Variants in ANKS1A observed in about 807,000 individuals in gnomAD.
ANKS1A encodes the protein ankyrin repeat and SAM domain-containing protein 1A.
Under a neutral mutation model 120.3 loss-of-function variants are expected in ANKS1A, and 55 were observed. The observed-to-expected ratio is 0.46, with a 90% CI of 0.37 to 0.57. The LOEUF (loss-of-function observed/expected upper bound fraction) is 0.57. ANKS1A is among the 20% of genes least tolerant of loss of function. The pLI, the probability that ANKS1A is intolerant of heterozygous loss-of-function variation, is 0.00. For synonymous variants in ANKS1A, 590 were observed against 604.7 expected, an observed-to-expected ratio of 0.98 and a Z score of 0.36; for missense variants, 1,123 against 1,480.3, an observed-to-expected ratio of 0.76 and a Z score of 3.96.
chr6:35,050,430 C>A lies in ANKS1A; in HGVS notation c.2011-3669C>A, dbSNP rs954582102. Among the ~76,000 whole-genome samples the A allele has an allele frequency of 6.6e-6, 1 of 152,200 alleles. No homozygotes were observed. Among genetic ancestry groups the A allele is most frequent in the Non-Finnish European group, 1.5e-5 (1 of 68,032 alleles). ...AAAACCACAGAAAAAGAGGAGAACA[C>A]TAAATGGTGCCCGTCCATTACACTT... On this transcript the variant is annotated intron_variant, in intron 11 of 23. Transcript: ENST00000360359. This position sits in a 1 kb window ranked among gnomAD's most constrained non-coding sequence, Gnocchi z 4.3.
intron 1 of ANKS1A, among the ~76,000 whole-genome samples, chr6:34,911,953 G>C (rs992210473): frequency 6.6e-6 from 1 of 152,106 alleles, no homozygotes; most frequent in Non-Finnish European, 1.5e-5. Context: ...CGCCATTCTA[G>C]TTTTCAGGTT....
At position 35,084,798 on chromosome 6, in the gene ANKS1A, T is replaced by C. The variant is rs532821081; in HGVS notation, c.3132+540T>C. Among the ~76,000 whole-genome samples, 60 of 152,282 alleles carry C rather than the reference T, an allele frequency of 3.9e-4. 1 individual carries two copies. Among genetic ancestry groups the C allele is most frequent in the Non-Finnish European group, 7.4e-4 (50 of 68,012 alleles). ...AGATTTTCTTCCCTCAAATTCCTGC[T>C]GAGGCTCGGCTCTGGATGCCACTGG... On this transcript the variant is annotated intron_variant, in intron 21 of 23. Transcript: ENST00000360359. The surrounding 1 kb of genome is among the most constrained non-coding windows in gnomAD (Gnocchi z 4.8).
chr6:35,064,805 C>T (rs1277978890), intron 13 of ANKS1A, among the ~76,000 whole-genome samples: 1 of 152,210 alleles, frequency 6.6e-6, no homozygotes, highest in Non-Finnish European at 1.5e-5. Context: ...ACCTCCACCC[C>T]CGTCCCATCT....
At chr6:34,991,583 T>C (rs920613357) in intron 9 of ANKS1A, among the ~76,000 whole-genome samples, 6 of 141,164 alleles carry the variant, frequency 4.3e-5, no homozygotes, top group East Asian at 2.2e-4. Flanking sequence ...CACACACATA[T>C]ACACATATAT....
chr6:34,972,069 A>T (rs1771212161), intron 3 of ANKS1A, among the ~76,000 whole-genome samples: 2 of 152,240 alleles, frequency 1.3e-5, no homozygotes, highest in African/African-American at 4.8e-5. Context: ...TGTTGGAAAG[A>T]CTGGTCATCC....
At position 35,084,346 on chromosome 6, in the gene ANKS1A, G is replaced by T; in HGVS notation, c.3132+88G>T. On this transcript the variant is annotated intron_variant, in intron 21 of 23. Transcript: ENST00000360359. The surrounding 1 kb of genome is among the most constrained non-coding windows in gnomAD (Gnocchi z 4.8). ...CATTGCAGGGCACAGATGCGGCGCTGTCCTGGCCCCTGGCCAGTGCCTGGC... is the reference window on the plus strand; with the variant it reads ...CATTGCAGGGCACAGATGCGGCGCTTTCCTGGCCCCTGGCCAGTGCCTGGC... The T allele has an allele frequency of 6.5e-7, 1 of 1,530,850 alleles. No individual in the cohort carries two copies. The highest frequency in any genetic ancestry group is 8.8e-7 in the Non-Finnish European group (1 of 1,140,550). 94.8% of individuals were successfully genotyped at this position (1,530,850 alleles called of 1,614,324 possible).
chr6:35,019,621 G>A (rs546042972), intron 11 of ANKS1A, among the ~76,000 whole-genome samples: 2 of 152,164 alleles, frequency 1.3e-5, no homozygotes, highest in African/African-American at 2.4e-5. Flanking sequence ...CTGGGGGAGG[G>A]GGGTGCCAGG....
At chr6:34,927,217 G>T (rs1768761125) in intron 1 of ANKS1A, among the ~76,000 whole-genome samples, 2 of 152,228 alleles carry the variant, frequency 1.3e-5, no homozygotes, top group African/African-American at 4.8e-5. Flanking sequence ...GTGGTCAGGA[G>T]AGGCTTTCTT....
At chr6:34,923,407 A>G (rs1433180682) in intron 1 of ANKS1A, among the ~76,000 whole-genome samples, 2 of 152,224 alleles carry the variant, frequency 1.3e-5, no homozygotes, top group Non-Finnish European at 2.9e-5. Context: ...GACCATGTCT[A>G]AAGTCAACGG....
Position 35,079,841 on chromosome 6 carries a change from C to T in ANKS1A, c.2457C>T (p.Leu819=), listed in dbSNP as rs766999402. 14 of 1,575,112 alleles carry T rather than the reference C, an allele frequency of 8.9e-6. No individual in the cohort carries two copies. The highest frequency in any genetic ancestry group is 2.7e-5 in the African/African-American group (2 of 74,080). The change falls in exon 16 of 24, where the codon CTC becomes CTT. Residue 819 remains leucine, a synonymous_variant. Coordinates refer to ENST00000360359, the MANE Select transcript of ANKS1A (RefSeq NM_015245.3). ...ELVNVLKVQL[L]GHRKRIIASL... Reference sequence around the variant, plus strand: ...CCCAGGTCCTGAAGGTCCAGCTGCTCGGCCATCGCAAGCGCATCATCGCCT... The same window carrying T: ...CCCAGGTCCTGAAGGTCCAGCTGCTTGGCCATCGCAAGCGCATCATCGCCT...
chr6:34,896,104 C>T (rs114806929), intron 1 of ANKS1A, among the ~76,000 whole-genome samples: 2,775 of 150,408 alleles, frequency 0.018, 54 homozygotes, highest in Non-Finnish European at 0.026. Context: ...GTGTCTCACT[C>T]CTTCATCCAG....
downstream of ANKS1A, among the ~76,000 whole-genome samples, chr6:35,093,234 C>G (rs2127623070): frequency 6.6e-6 from 1 of 152,198 alleles, no homozygotes; most frequent in African/African-American, 2.4e-5. Flanking sequence ...TAGAATTTTC[C>G]TAACACCATA....
Position 35,017,870 on chromosome 6 carries a change from G to A in ANKS1A, c.1821G>A (p.Ala607=), listed in dbSNP as rs769468948. The change falls in exon 11 of 24, where the codon GCG becomes GCA. Residue 607 remains alanine, a synonymous_variant. Coordinates refer to ENST00000360359, the MANE Select transcript of ANKS1A (RefSeq NM_015245.3). ...EGDRSGARSR[A]PPTSKPKAEL... is the part of the protein sequence containing the mutation. ...ACCGGAGTGGGGCCAGGAGCCGAGCGCCTCCCACTAGCAAACCCAAAGCTG... is the reference window on the plus strand; with the variant it reads ...ACCGGAGTGGGGCCAGGAGCCGAGCACCTCCCACTAGCAAACCCAAAGCTG... The A allele has an allele frequency of 1.9e-5, 31 of 1,614,038 alleles. No homozygotes were observed. Among genetic ancestry groups the A allele is most frequent in the Admixed American group, 8.3e-5 (5 of 59,996 alleles).
At chr6:35,071,328 A>G (rs1777076319) in intron 13 of ANKS1A, among the ~76,000 whole-genome samples, 1 of 152,246 alleles carries the variant, frequency 6.6e-6, no homozygotes, top group South Asian at 2.1e-4. Flanking sequence ...ATTTCAAAAT[A>G]TGCTAAAGAA....
chr6:35,077,651 G>A (rs1342900144), intron 13 of ANKS1A, among the ~76,000 whole-genome samples: 2 of 152,206 alleles, frequency 1.3e-5, no homozygotes, highest in African/African-American at 4.8e-5. Context: ...TGTGACTTCT[G>A]TAATTAGAGA....
intron 13 of ANKS1A, among the ~76,000 whole-genome samples, chr6:35,074,437 A>AC (rs1197804272): frequency 2.7e-5 from 4 of 145,702 alleles, no homozygotes; most frequent in Non-Finnish European, 6.1e-5. Context: ...CCATCTCTAC[A>AC]AAAAAAAAAA....
At chr6:34,970,850 TA>T (rs376847556) in intron 3 of ANKS1A, among the ~76,000 whole-genome samples, 41 of 141,632 alleles carry the variant, frequency 2.9e-4, no homozygotes, top group African/African-American at 4.1e-4. Flanking sequence ...TATAAAAAAT[TA>T]AAAAAAAAAA....
At position 35,056,268 on chromosome 6, in the gene ANKS1A, TTTTG is replaced by T. The variant is rs1236528761; in HGVS notation, c.2077+2115_2077+2118del. ...TCCTGTCTGATCCCACCTACTAGTT[TTTTG>T]TTTGTTTGTTTTATTTTTGTTGTTG... On this transcript the variant is annotated intron_variant, in intron 12 of 23. Transcript: ENST00000360359. Among the ~76,000 whole-genome samples the T allele has an allele frequency of 8.5e-5, 13 of 152,220 alleles. No individual in the cohort carries two copies. In the East Asian group the frequency reaches 2.3e-3, roughly 27 times the overall value.
intron 3 of ANKS1A, among the ~76,000 whole-genome samples, chr6:34,973,767 A>ACCCAAATG (rs2127515950): frequency 6.6e-6 from 1 of 152,288 alleles, no homozygotes; most frequent in Admixed American, 6.5e-5. Context: ...TTAATGGTAG[A>ACCCAAATG]GAAGCAATTT....
Sources: allele counts gnomAD v4.1 joint callset (sites outside exome capture counted in the v4.1 genomes callset), GRCh38; gene constraint gnomAD v4.1.1; non-coding constraint Gnocchi (gnomAD v3.1); transcripts MANE v1.5; gene names NCBI Gene and HGNC (gene_info 2026-07-23, HGNC 2026-07-21).